Variants in ZNF704 observed in about 807,000 individuals in gnomAD.
ZNF704 encodes glucocorticoid induced gene 1.
In ZNF704, 10 loss-of-function variants were observed where a neutral mutation model predicts 44.7. That is an observed-to-expected ratio of 0.22 (90% CI 0.14 to 0.38). ZNF704 has a LOEUF of 0.38. Ranked by LOEUF, ZNF704 falls within the 10% of genes least tolerant of loss-of-function variation. ZNF704 has a pLI of 1.00. For missense variants in ZNF704, 390 were observed against 545.5 expected (o/e 0.71, Z 2.84); for synonymous variants, 211 against 207.6 (o/e 1.02, Z -0.14).
At chr8:80,829,514 C>T (rs1808433587) in intron 1 of ZNF704, among the ~76,000 whole-genome samples, 1 of 152,126 alleles carries the variant, frequency 6.6e-6, no homozygotes, top group Admixed American at 6.5e-5. Flanking sequence ...CCATGCCTCC[C>T]TTGGGGCCAA....
chr8:80,785,946 G>A (rs566980445), intron 2 of ZNF704, among the ~76,000 whole-genome samples: 34 of 152,228 alleles, frequency 2.2e-4, no homozygotes, highest in African/African-American at 7.0e-4. Flanking sequence ...ATATATACAC[G>A]TATCTATAAA....
chr8:80,720,681 T>A (rs1819149737), intron 2 of ZNF704, among the ~76,000 whole-genome samples: 1 of 152,202 alleles, frequency 6.6e-6, no homozygotes, highest in Non-Finnish European at 1.5e-5. Flanking sequence ...TCTCCTCTCA[T>A]TCCCCACGAG....
chr8:80,853,870 A>C (rs1808914076), intron 1 of ZNF704, among the ~76,000 whole-genome samples: 1 of 152,210 alleles, frequency 6.6e-6, no homozygotes, highest in Non-Finnish European at 1.5e-5. Flanking sequence ...CCTGGAAGTC[A>C]CTGGGAAACA....
In ZNF704 at chr8:80,641,490, C is replaced by A; in HGVS notation, c.1128-13G>T. 6.3e-7 allele frequency: 1 copy of A among 1,575,582 alleles called. No homozygotes were observed. Among genetic ancestry groups the A allele is most frequent in the African/African-American group, 1.4e-5 (1 of 72,950 alleles). On this transcript the variant is annotated splice_polypyrimidine_tract_variant and intron_variant, in intron 8 of 8. Transcript: ENST00000327835. ...TCCCCTGGGCTTCCTGTAAGACAGA[C>A]GAGGAAGGTTAGTTTAGTGGGAGGA...
At chr8:80,660,184 C>T (rs976459108) in intron 6 of ZNF704, among the ~76,000 whole-genome samples, 2 of 151,990 alleles carry the variant, frequency 1.3e-5, no homozygotes, top group Non-Finnish European at 2.9e-5. Context: ...TTATAAAAAA[C>T]AATTGGGGCT....
chr8:80,692,993 C>G lies in ZNF704; in HGVS notation c.325+11G>C. ...AGGGGCCCTTCCCTAAGTCCCATAT[C>G]CTGGGCTTACCGTTCGGCCGCACGG... is the stretch of plus-strand genomic sequence containing the variant. On this transcript the variant is annotated intron_variant, in intron 3 of 8. Coordinates refer to ENST00000327835, the MANE Select transcript of ZNF704 (RefSeq NM_001033723.3). 1 of 1,613,762 alleles carries G rather than the reference C, an allele frequency of 6.2e-7. No homozygotes were observed. Among genetic ancestry groups the G allele is most frequent in the Non-Finnish European group, 8.5e-7 (1 of 1,179,786 alleles).
chr8:80,847,161 A>G (rs1808780216), intron 1 of ZNF704, among the ~76,000 whole-genome samples: 1 of 152,202 alleles, frequency 6.6e-6, no homozygotes, highest in Non-Finnish European at 1.5e-5. Flanking sequence ...TGACAGAGTG[A>G]GACTCCATCT....
chr8:80,835,279 C>T (rs1052276555), intron 1 of ZNF704, among the ~76,000 whole-genome samples: 2 of 152,042 alleles, frequency 1.3e-5, no homozygotes, highest in African/African-American at 4.8e-5. Flanking sequence ...TATATTTTTC[C>T]CAACCATATG....
intron 4 of ZNF704, among the ~76,000 whole-genome samples, chr8:80,671,268 T>C (rs994008217): frequency 6.6e-6 from 1 of 152,144 alleles, no homozygotes; most frequent in South Asian, 2.1e-4. Context: ...GTTGGGACCA[T>C]AGGTACATGC....
intron 5 of ZNF704, among the ~76,000 whole-genome samples, chr8:80,667,537 C>T (rs771116402): frequency 3.3e-5 from 5 of 152,136 alleles, no homozygotes; most frequent in South Asian, 2.1e-4. Flanking sequence ...GTTTACTCAT[C>T]GTTTTGTTAA....
rs1009162521 is a variant in ZNF704 at position 80,640,166 on chromosome 8, A to G, written c.*1200T>C. On this transcript the variant is annotated 3_prime_UTR_variant, in exon 9 of 9. Transcript: ENST00000327835. ...AAATGAATAGCTCCAATATTTTTATAAGAAAAACTTAAAGTTTGGACCTTC... is the reference window on the plus strand; with the variant it reads ...AAATGAATAGCTCCAATATTTTTATGAGAAAAACTTAAAGTTTGGACCTTC... 6.6e-5 allele frequency: 10 copies of G among 152,638 alleles called. No homozygotes were observed. Among genetic ancestry groups the G allele is most frequent in the African/African-American group, 2.4e-4 (10 of 41,446 alleles). 9.5% of individuals were successfully genotyped at this position (152,638 alleles called of 1,614,324 possible).
chr8:80,794,620 A>C (rs1344822661), intron 2 of ZNF704, among the ~76,000 whole-genome samples: 1 of 152,244 alleles, frequency 6.6e-6, no homozygotes, highest in Non-Finnish European at 1.5e-5. Context: ...ATGCAACATA[A>C]CTAAAGCTTC....
intron 1 of ZNF704, among the ~76,000 whole-genome samples, chr8:80,829,869 A>G (rs1158983409): frequency 6.6e-6 from 1 of 152,224 alleles, no homozygotes; most frequent in African/African-American, 2.4e-5. Context: ...TAGAATTAAA[A>G]TGATCAAAAA....
At chr8:80,720,877 G>A (rs1819154803) in intron 2 of ZNF704, among the ~76,000 whole-genome samples, 1 of 152,250 alleles carries the variant, frequency 6.6e-6, no homozygotes. Context: ...AGCTCATGAA[G>A]TCACTCAGCC....
At chr8:80,822,269 C>A (rs1170279958) in intron 1 of ZNF704, among the ~76,000 whole-genome samples, 1 of 144,038 alleles carries the variant, frequency 6.9e-6, no homozygotes, top group Admixed American at 6.7e-5. Flanking sequence ...ATCCCTTCCC[C>A]CCCGCCCCCA....
In ZNF704 at chr8:80,639,278, C is replaced by G. The variant is rs1817706495; in HGVS notation, c.*2088G>C. 1 of 152,298 alleles carries G rather than the reference C, an allele frequency of 6.6e-6. No individual in the cohort carries two copies. Among genetic ancestry groups the G allele is most frequent in the African/African-American group, 2.4e-5 (1 of 41,474 alleles). 9.4% of individuals were successfully genotyped at this position (152,298 alleles called of 1,614,324 possible). A position where few individuals can be genotyped will look rare whatever the true frequency, so the allele number is the denominator to read the frequency against. ...GACAAGCTCTGGCCGCCCAAGGCCA[C>G]TGGGCAATCTGCCCATGGCTCAGGG... On this transcript the variant is annotated 3_prime_UTR_variant, in exon 9 of 9. Coordinates refer to ENST00000327835, the MANE Select transcript of ZNF704 (RefSeq NM_001033723.3).
chr8:80,667,051 C>A (rs1818206500), intron 5 of ZNF704, among the ~76,000 whole-genome samples: 1 of 152,120 alleles, frequency 6.6e-6, no homozygotes, highest in Non-Finnish European at 1.5e-5. Flanking sequence ...TGAGTAGAGA[C>A]CTGCCTGGAG....
intron 7 of ZNF704, among the ~76,000 whole-genome samples, chr8:80,656,003 C>T (rs1260162724): frequency 6.6e-6 from 1 of 152,158 alleles, no homozygotes; most frequent in Non-Finnish European, 1.5e-5. Flanking sequence ...TATGATAAAG[C>T]TCTAATCCCC....
intron 2 of ZNF704, among the ~76,000 whole-genome samples, chr8:80,718,062 G>A (rs550393757): frequency 1.3e-5 from 2 of 152,252 alleles, no homozygotes; most frequent in East Asian, 3.9e-4. Context: ...CCTCGTTTTT[G>A]TCTCCACCTT....
Sources: gnomAD v4.1 joint callset for allele counts (sites outside exome capture counted in the v4.1 genomes callset) on GRCh38, gnomAD v4.1.1 for gene constraint, MANE v1.5 for transcripts, NCBI Gene and HGNC (gene_info 2026-07-23, HGNC 2026-07-21) for gene names.